Variants in DLG2 observed in about 807,000 individuals in gnomAD.
DLG2 encodes discs large MAGUK scaffold protein 2.
DLG2 carries 45 observed loss-of-function variants against 132.5 expected under a neutral mutation model. The observed-to-expected ratio is 0.34, with a 90% CI of 0.27 to 0.44. The LOEUF (loss-of-function observed/expected upper bound fraction) is 0.44, where lower values mean the gene tolerates loss of function less well. Ranked by LOEUF, DLG2 falls within the 20% of genes least tolerant of loss-of-function variation. DLG2 has a pLI of 1.00. For synonymous variants in DLG2, 424 were observed against 419.6 expected (o/e 1.01, Z -0.13); for missense variants, 1,045 against 1,196.9 (o/e 0.87, Z 1.87).
chr11:85,210,397 G>C (rs766403689), intron 4 of DLG2, among the ~76,000 whole-genome samples: 1 of 151,880 alleles, frequency 6.6e-6, no homozygotes, highest in East Asian at 1.9e-4. Context: ...CTTCTGCCTC[G>C]GATCTCCTTT....
chr11:85,141,008 A>G (rs1213769728), intron 5 of DLG2, among the ~76,000 whole-genome samples: 4 of 151,866 alleles, frequency 2.6e-5, no homozygotes, highest in African/African-American at 9.7e-5. Flanking sequence ...AATCTTGGCT[A>G]AGTGAATAAA....
intron 6 of DLG2, among the ~76,000 whole-genome samples, chr11:84,903,682 T>C (rs2091179954): frequency 6.6e-6 from 1 of 152,130 alleles, no homozygotes. Flanking sequence ...TTCCCTCAAC[T>C]ACAAAATTAG....
chr11:84,617,815 T>A (rs1161727447), intron 6 of DLG2, among the ~76,000 whole-genome samples: 2 of 152,114 alleles, frequency 1.3e-5, no homozygotes, highest in Non-Finnish European at 2.9e-5. Flanking sequence ...GGAAACCTAA[T>A]TCATATGGTC....
At chr11:84,549,890 A>G (rs950363538) in intron 6 of DLG2, among the ~76,000 whole-genome samples, 1 of 152,020 alleles carries the variant, frequency 6.6e-6, no homozygotes, top group East Asian at 1.9e-4. Context: ...AGTAGCTGAG[A>G]TTACAGGCTT....
At chr11:84,376,291 G>A (rs1050816835) in intron 7 of DLG2, among the ~76,000 whole-genome samples, 7 of 151,916 alleles carry the variant, frequency 4.6e-5, no homozygotes, top group Admixed American at 4.6e-4. Context: ...AGGAGATTGA[G>A]GATAGGCTTG....
intron 4 of DLG2, among the ~76,000 whole-genome samples, chr11:85,254,522 T>C (rs1045414345): frequency 6.6e-6 from 1 of 152,190 alleles, no homozygotes. Flanking sequence ...TTATTAAGCA[T>C]GTATTTATTT....
At chr11:83,903,700 T>G in intron 15 of DLG2, among the ~76,000 whole-genome samples, 1 of 152,308 alleles carries the variant, frequency 6.6e-6, no homozygotes, top group Middle Eastern at 3.4e-3. Flanking sequence ...AGTTGCTTTA[T>G]ATTTTCAACC....
intron 7 of DLG2, among the ~76,000 whole-genome samples, chr11:84,255,042 G>A (rs1179412718): frequency 6.6e-6 from 1 of 152,102 alleles, no homozygotes; most frequent in Admixed American, 6.5e-5. Context: ...CTCTCCCACT[G>A]CCCTGCTCCA....
At chr11:84,411,590 G>A (rs1166250532) in intron 7 of DLG2, among the ~76,000 whole-genome samples, 1 of 151,144 alleles carries the variant, frequency 6.6e-6, no homozygotes, top group African/African-American at 2.4e-5. Flanking sequence ...ATTCACACTT[G>A]GATTAACGTA....
At chr11:84,179,930 C>T (rs1181898318) in intron 8 of DLG2, among the ~76,000 whole-genome samples, 1 of 152,108 alleles carries the variant, frequency 6.6e-6, no homozygotes, top group Non-Finnish European at 1.5e-5. Context: ...ATGCTTTCCT[C>T]CCCAATACCT....
chr11:84,812,712 CTT>C (rs756999804), intron 6 of DLG2, among the ~76,000 whole-genome samples: 2 of 152,106 alleles, frequency 1.3e-5, no homozygotes, highest in Non-Finnish European at 2.9e-5. Context: ...ACAACATTGA[CTT>C]TTAAATGTCA....
At chr11:83,484,908 T>TAACA (rs1341696536) in intron 21 of DLG2, among the ~76,000 whole-genome samples, 26 of 152,180 alleles carry the variant, frequency 1.7e-4, no homozygotes, top group African/African-American at 5.8e-4. Context: ...TAACAATAAT[T>TAACA]AACAATAATT....
At chr11:84,930,694 T>C (rs1443061779) in intron 6 of DLG2, among the ~76,000 whole-genome samples, 1 of 152,156 alleles carries the variant, frequency 6.6e-6, no homozygotes, top group African/African-American at 2.4e-5. Flanking sequence ...CCCTTCCTTC[T>C]TTTGCTCCTC....
intron 19 of DLG2, among the ~76,000 whole-genome samples, chr11:83,550,973 AT>A (rs893637167): frequency 6.6e-6 from 1 of 152,208 alleles, no homozygotes; most frequent in African/African-American, 2.4e-5. Flanking sequence ...CTAATAGTCG[AT>A]TATCATTCAA....
At chr11:84,201,554 T>A (rs1156935329) in intron 8 of DLG2, among the ~76,000 whole-genome samples, 2 of 148,780 alleles carry the variant, frequency 1.3e-5, no homozygotes, top group Non-Finnish European at 3.0e-5. Flanking sequence ...TGGTAGAATT[T>A]AGCTGTTTAT....
rs951197123 is a variant in DLG2 at position 83,841,889 on chromosome 11, A to G, written c.1566-8119T>C. On this transcript the variant is annotated intron_variant, in intron 16 of 27. Coordinates refer to ENST00000376104, the MANE Select transcript of DLG2 (RefSeq NM_001142699.3). ...AAGAGCCTGGGGTAGGAGGAGCCAC[A>G]TGTAAACAAACGCTTATAGAAGCCT... Among the ~76,000 whole-genome samples, 5 of 152,334 alleles carry G rather than the reference A, an allele frequency of 3.3e-5. 1 individual carries two copies. Among genetic ancestry groups the G allele is most frequent in the Admixed American group, 6.5e-5 (1 of 15,304 alleles).
intron 3 of DLG2, among the ~76,000 whole-genome samples, chr11:85,311,980 C>G (rs1301852914): frequency 3.9e-5 from 6 of 151,976 alleles, no homozygotes; most frequent in African/African-American, 1.4e-4. Flanking sequence ...ACTAAACATA[C>G]CATTGTTTTT....
chr11:85,196,144 C>T (rs2081050541), intron 4 of DLG2, among the ~76,000 whole-genome samples: 1 of 152,152 alleles, frequency 6.6e-6, no homozygotes, highest in Non-Finnish European at 1.5e-5. Context: ...AGTTGTTGCT[C>T]AAGGTTGTAA....
chr11:84,291,395 T>C (rs1269212411), intron 7 of DLG2, among the ~76,000 whole-genome samples: 2 of 152,190 alleles, frequency 1.3e-5, no homozygotes, highest in African/African-American at 4.8e-5. Context: ...CCTTTTGAGT[T>C]ATCATTAATG....
Sources: gnomAD v4.1 joint callset for allele counts (sites outside exome capture counted in the v4.1 genomes callset) on GRCh38, gnomAD v4.1.1 for gene constraint, MANE v1.5 for transcripts, NCBI Gene and HGNC (gene_info 2026-07-23, HGNC 2026-07-21) for gene names.